The following NR2F1 variants were observed in gnomAD, a reference collection of about 807,000 sequenced individuals.
The protein encoded by NR2F1 is COUP transcription factor 1.
NR2F1 carries 1 observed loss-of-function variant against 37.7 expected under a neutral mutation model. That is an observed-to-expected ratio of 0.03 (90% CI 0.01 to 0.13). The LOEUF is 0.13. Ranked by LOEUF, NR2F1 falls within the 10% of genes least tolerant of loss-of-function variation. The probability of loss-of-function intolerance (pLI) is 1.00; values close to 1 mark genes in which losing one functional copy is unlikely to be tolerated. For missense variants in NR2F1, 268 were observed against 578.4 expected, an observed-to-expected ratio of 0.46 and a Z score of 5.50; for synonymous variants, 275 against 259.6, an observed-to-expected ratio of 1.06 and a Z score of -0.57.
chr5:93,588,848 T>A (rs1753282970), intron 2 of NR2F1, among the ~76,000 whole-genome samples: 1 of 151,928 alleles, frequency 6.6e-6, no homozygotes, highest in South Asian at 2.1e-4. Context: ...GCGTGTTATG[T>A]GTGAGCCAGA....
intron 1 of NR2F1, chr5:93,587,682 G>A (rs186638156): frequency 5.7e-6 from 3 of 523,554 alleles, no homozygotes; most frequent in South Asian, 3.2e-5. Flanking sequence ...TAGCTCCGGC[G>A]GGGCTGACGT....
chr5:93,587,422 TATAGC>T (rs1388875124), intron 1 of NR2F1: 1 of 154,922 alleles, frequency 6.5e-6, no homozygotes, highest in African/African-American at 2.4e-5. Flanking sequence ...AGAATTATTC[TATAGC>T]ATTTTAAGAG....
Position 93,584,017 on chromosome 5 carries a change from CTGA to C in NR2F1, c.-1006_-1004del, listed in dbSNP as rs1753176412. 2 of 152,218 alleles carry C rather than the reference CTGA, an allele frequency of 1.3e-5. No individual in the cohort carries two copies. The highest frequency in any genetic ancestry group is 4.1e-4 in the South Asian group (2 of 4,830). 9.4% of individuals were successfully genotyped at this position (152,218 alleles called of 1,614,324 possible). A position where few individuals can be genotyped will look rare whatever the true frequency, so the allele number is the denominator to read the frequency against. ...CCTCCCGCTCTCCAGCGCTGCCTTC[CTGA>C]ATGGCTGGCTGCGTCCGGCCCTGGA... On this transcript the variant is annotated 5_prime_UTR_variant, in exon 1 of 3. Transcript: ENST00000327111.
chr5:93,587,882 G>T (rs1175329429), intron 1 of NR2F1, 35 bp from the exon 2 acceptor site: 1 of 1,535,250 alleles, frequency 6.5e-7, no homozygotes, highest in South Asian at 1.3e-5. Context: ...CTCCCTGGAT[G>T]CACATTGCCT....
At position 93,588,216 on chromosome 5, in the gene NR2F1, A is replaced by G; in HGVS notation, c.763A>G (p.Thr255Ala). Reference sequence around the variant, plus strand: ...CGACCAGGTGTCCCTGCTACGCCTCACCTGGAGCGAGCTGTTCGTGCTCAA... The same window carrying G: ...CGACCAGGTGTCCCTGCTACGCCTCGCCTGGAGCGAGCTGTTCGTGCTCAA... ...ITDQVSLLRL[T>A]WSELFVLNAA... Residue 255 changes from threonine (T) to alanine (A), a missense_variant, in exon 2 of 3, where the codon ACC becomes GCC. Coordinates refer to ENST00000327111, the MANE Select transcript of NR2F1 (RefSeq NM_005654.6). 1 of 1,613,930 alleles carries G rather than the reference A, an allele frequency of 6.2e-7. No individual in the cohort carries two copies. Among genetic ancestry groups the G allele is most frequent in the Non-Finnish European group, 8.5e-7 (1 of 1,179,974 alleles).
Sources: allele counts gnomAD v4.1 joint callset (sites outside exome capture counted in the v4.1 genomes callset), GRCh38; gene constraint gnomAD v4.1.1; transcripts MANE v1.5; gene names NCBI Gene and HGNC (gene_info 2026-07-23, HGNC 2026-07-21).